Variants in ASIC2 observed in about 807,000 individuals in gnomAD.
The protein encoded by ASIC2 is acid-sensing ion channel 2.
In ASIC2, 25 loss-of-function variants were observed where a neutral mutation model predicts 57.3. The observed-to-expected ratio is 0.44, with a 90% CI of 0.32 to 0.61. ASIC2 has a LOEUF of 0.61. Among genes scored for constraint, ASIC2 ranks in the 20% least tolerant of loss-of-function variants. The probability of loss-of-function intolerance (pLI) is 0.06; values close to 1 mark genes in which losing one functional copy is unlikely to be tolerated. For synonymous variants in ASIC2, 319 were observed against 307.5 expected (o/e 1.04, Z -0.39); for missense variants, 641 against 738.1 (o/e 0.87, Z 1.52).
At chr17:33,024,071 G>T in intron 5 of ASIC2, 57 bp from the exon 6 acceptor site, 6 of 1,601,930 alleles carry the variant, frequency 3.7e-6, no homozygotes, top group Non-Finnish European at 5.1e-6. Flanking sequence ...ATTTCTAAGG[G>T]TCCAGAGTAG....
At chr17:33,890,341 C>T (rs912708719) in intron 1 of ASIC2, among the ~76,000 whole-genome samples, 1 of 152,214 alleles carries the variant, frequency 6.6e-6, no homozygotes, top group Non-Finnish European at 1.5e-5. Context: ...GGGGTAAACA[C>T]CCATCCTGCA....
chr17:34,069,472 C>G (rs1909316851), intron 1 of ASIC2: 1 of 151,428 alleles, frequency 6.6e-6, no homozygotes, highest in African/African-American at 2.4e-5. Flanking sequence ...TTACCAGGGC[C>G]TATCACTGAC....
intron 3 of ASIC2, among the ~76,000 whole-genome samples, chr17:33,063,257 C>G (rs555831225): frequency 6.6e-6 from 1 of 152,180 alleles, no homozygotes; most frequent in South Asian, 2.1e-4. Flanking sequence ...TTCCTAGCAT[C>G]GATGGTCTTT....
At chr17:33,419,487 G>T (rs150737501) in intron 1 of ASIC2, among the ~76,000 whole-genome samples, 1 of 152,328 alleles carries the variant, frequency 6.6e-6, no homozygotes, top group African/African-American at 2.4e-5. Flanking sequence ...TGCCAGAAAG[G>T]GTGAAAGTGA....
chr17:33,960,185 T>C (rs1271950022), intron 1 of ASIC2, among the ~76,000 whole-genome samples: 1 of 152,228 alleles, frequency 6.6e-6, no homozygotes, highest in Non-Finnish European at 1.5e-5. Flanking sequence ...TGGAAACTGC[T>C]GCAGTGAAGT....
intron 1 of ASIC2, among the ~76,000 whole-genome samples, chr17:33,671,762 TG>T (rs1260740151): frequency 6.6e-6 from 1 of 152,230 alleles, no homozygotes; most frequent in Non-Finnish European, 1.5e-5. Flanking sequence ...TGGCCTGGTC[TG>T]GGTCCTGAGT....
At chr17:33,643,152 C>CT (rs1567677628) in intron 1 of ASIC2, among the ~76,000 whole-genome samples, 3 of 150,394 alleles carry the variant, frequency 2.0e-5, no homozygotes, top group Admixed American at 1.3e-4. Flanking sequence ...TCATTTCCCC[C>CT]CCCCCACATT....
At chr17:34,149,927 A>C (rs1257284171) in intron 1 of ASIC2, among the ~76,000 whole-genome samples, 1 of 152,210 alleles carries the variant, frequency 6.6e-6, no homozygotes, top group Non-Finnish European at 1.5e-5. Context: ...TGTCAAAGAG[A>C]TTCTGCCCTC....
chr17:33,854,637 A>G (rs1913866399), intron 1 of ASIC2, among the ~76,000 whole-genome samples: 1 of 152,162 alleles, frequency 6.6e-6, no homozygotes, highest in Admixed American at 6.5e-5. Context: ...GATCTGCAGA[A>G]AGAGCAGGGT....
intron 1 of ASIC2, among the ~76,000 whole-genome samples, chr17:33,421,748 A>G (rs1213120760): frequency 1.3e-5 from 2 of 152,226 alleles, no homozygotes; most frequent in Non-Finnish European, 2.9e-5. Context: ...TCATGCATTT[A>G]AAAAATGTGA....
At chr17:33,208,318 C>T (rs374521088) in intron 1 of ASIC2, among the ~76,000 whole-genome samples, 7 of 152,056 alleles carry the variant, frequency 4.6e-5, no homozygotes, top group African/African-American at 1.7e-4. Context: ...ATGCTTAAAT[C>T]CCCTCCCCTG....
At chr17:33,901,166 T>C (rs1028681012) in intron 1 of ASIC2, among the ~76,000 whole-genome samples, 22 of 152,182 alleles carry the variant, frequency 1.4e-4, no homozygotes, top group African/African-American at 5.1e-4. Context: ...ATCCTGTGCA[T>C]GTCTTTGGGC....
At chr17:33,894,037 T>TTTTTTTTTTTTTTTTTGAG in intron 1 of ASIC2, among the ~76,000 whole-genome samples, 2 of 152,242 alleles carry the variant, frequency 1.3e-5, no homozygotes, top group South Asian at 4.2e-4. Flanking sequence ...ATTTTGTTTT[T>TTTTTTTTTTTTTTTTTGAG]AAAGCTGATT....
At chr17:33,446,105 G>C (rs1270074778) in intron 1 of ASIC2, among the ~76,000 whole-genome samples, 1 of 152,066 alleles carries the variant, frequency 6.6e-6, no homozygotes, top group Non-Finnish European at 1.5e-5. Context: ...CGCTGAAAGA[G>C]ATGGATGGGA....
chr17:33,376,617 A>G (rs1302200455), intron 1 of ASIC2, among the ~76,000 whole-genome samples: 1 of 152,218 alleles, frequency 6.6e-6, no homozygotes, highest in African/African-American at 2.4e-5. Context: ...ATTAAAAGCA[A>G]GGAAATTGGC....
At chr17:33,983,589 G>A (rs1295785196) in intron 1 of ASIC2, among the ~76,000 whole-genome samples, 1 of 152,180 alleles carries the variant, frequency 6.6e-6, no homozygotes, top group Non-Finnish European at 1.5e-5. Context: ...GAATCCCTAT[G>A]GCCTCTGCCT....
chr17:33,808,441 C>T (rs146526775), intron 1 of ASIC2, among the ~76,000 whole-genome samples: 1 of 152,188 alleles, frequency 6.6e-6, no homozygotes, highest in Admixed American at 6.5e-5. Flanking sequence ...TCATAGTAAG[C>T]CTTGAAGTTG....
chr17:34,030,568 C>A (rs554492743), intron 1 of ASIC2, among the ~76,000 whole-genome samples: 1 of 152,340 alleles, frequency 6.6e-6, no homozygotes, highest in South Asian at 2.1e-4. Flanking sequence ...ATCGCCTCAC[C>A]TGGGAAGCTC....
At chr17:34,022,641 C>CAAAAAAAAAAAAAAAAA (rs755726883) in intron 1 of ASIC2, among the ~76,000 whole-genome samples, 1 of 124,788 alleles carries the variant, frequency 8.0e-6, no homozygotes. Flanking sequence ...AAAAAAAAAA[C>CAAAAAAAAAAAAAAAAA]AAAAAAAAAA....
Sources: gnomAD v4.1 joint callset for allele counts (sites outside exome capture counted in the v4.1 genomes callset) on GRCh38, gnomAD v4.1.1 for gene constraint, MANE v1.5 for transcripts, NCBI Gene and HGNC (gene_info 2026-07-23, HGNC 2026-07-21) for gene names.